The following SEMA3A variants were observed in gnomAD, a reference collection of about 807,000 sequenced individuals.
The protein encoded by SEMA3A is semaphorin-3A.
SEMA3A carries 29 observed loss-of-function variants against 97.9 expected under a neutral mutation model. The observed-to-expected ratio is 0.30, with a 90% CI of 0.22 to 0.40. The LOEUF is 0.40. Ranked by LOEUF, SEMA3A falls within the 10% of genes least tolerant of loss-of-function variation. The pLI is 1.00. For missense variants in SEMA3A, 763 were observed against 951.3 expected (o/e 0.80, Z 2.60); for synonymous variants, 321 against 323.7 (o/e 0.99, Z 0.09).
chr7:84,341,581 C>T (rs931324387), intron 2 of SEMA3A, among the ~76,000 whole-genome samples: 5 of 151,978 alleles, frequency 3.3e-5, no homozygotes, highest in Non-Finnish European at 4.4e-5. Flanking sequence ...TCAGCAGGTC[C>T]TGTGGATAAT....
intron 3 of SEMA3A, among the ~76,000 whole-genome samples, chr7:84,256,536 A>G (rs1417605456): frequency 6.6e-6 from 1 of 152,068 alleles, no homozygotes; most frequent in African/African-American, 2.4e-5. Context: ...CTAGTAAACC[A>G]CTGTAATAAA....
At chr7:84,375,746 G>A (rs972772803) in intron 1 of SEMA3A, among the ~76,000 whole-genome samples, 1 of 152,084 alleles carries the variant, frequency 6.6e-6, no homozygotes, top group Admixed American at 6.6e-5. Context: ...AAAGTTAACT[G>A]TAGTCACTAT....
At chr7:84,135,942 C>A (rs1442606831) in intron 1 of SEMA3A, among the ~76,000 whole-genome samples, 1 of 152,120 alleles carries the variant, frequency 6.6e-6, no homozygotes, top group Admixed American at 6.5e-5. Flanking sequence ...TATACCTATA[C>A]TTTAGTGACA....
At chr7:84,145,988 G>A (rs910909702) in intron 1 of SEMA3A, among the ~76,000 whole-genome samples, 10 of 151,974 alleles carry the variant, frequency 6.6e-5, no homozygotes, top group East Asian at 1.9e-4. Context: ...TTCTAAACCC[G>A]GCTTGCTGCC....
At chr7:84,280,176 T>C (rs142974859) in intron 3 of SEMA3A, among the ~76,000 whole-genome samples, 28 of 152,234 alleles carry the variant, frequency 1.8e-4, no homozygotes, top group African/African-American at 6.7e-4. Flanking sequence ...GGATTACAGA[T>C]GTGAGACACT....
chr7:84,451,315 C>A (rs974635965), intron 1 of SEMA3A, among the ~76,000 whole-genome samples: 1 of 152,024 alleles, frequency 6.6e-6, no homozygotes, highest in South Asian at 2.1e-4. Flanking sequence ...TTTTCCTTCC[C>A]CCTTGGGTCA....
At chr7:84,485,231 G>A (rs1214010888) in intron 1 of SEMA3A, among the ~76,000 whole-genome samples, 2 of 152,012 alleles carry the variant, frequency 1.3e-5, no homozygotes, top group Admixed American at 6.6e-5. Context: ...AAATTTTCAT[G>A]TACAAAGTAG....
intron 2 of SEMA3A, among the ~76,000 whole-genome samples, chr7:84,346,538 T>G (rs1009569545): frequency 6.6e-6 from 1 of 152,122 alleles, no homozygotes; most frequent in African/African-American, 2.4e-5. Flanking sequence ...CTAATATCAA[T>G]ACTGTTGTGT....
chr7:84,322,932 G>A (rs1801685382), intron 2 of SEMA3A, among the ~76,000 whole-genome samples: 1 of 152,042 alleles, frequency 6.6e-6, no homozygotes, highest in Non-Finnish European at 1.5e-5. Context: ...TGTGTATTCA[G>A]TAGAGCCACA....
At chr7:84,381,648 C>T (rs1248280584) in intron 1 of SEMA3A, among the ~76,000 whole-genome samples, 1 of 152,176 alleles carries the variant, frequency 6.6e-6, no homozygotes, top group Non-Finnish European at 1.5e-5. Context: ...ATTTGGTCTA[C>T]ATTTGGGCTC....
At chr7:84,157,496 GAGC>G (rs1174464542) in intron 1 of SEMA3A, among the ~76,000 whole-genome samples, 1 of 152,190 alleles carries the variant, frequency 6.6e-6, no homozygotes, top group Non-Finnish European at 1.5e-5. Flanking sequence ...GGACGCTGGA[GAGC>G]AGATCTGCTG....
chr7:84,151,613 A>T (rs1427427895), intron 1 of SEMA3A, among the ~76,000 whole-genome samples: 2 of 152,226 alleles, frequency 1.3e-5, no homozygotes, highest in East Asian at 3.9e-4. Context: ...TCTACGTCTG[A>T]TTGGTGTACC....
At chr7:84,425,788 T>C (rs1338962851) in intron 1 of SEMA3A, among the ~76,000 whole-genome samples, 4 of 148,996 alleles carry the variant, frequency 2.7e-5, no homozygotes, top group Non-Finnish European at 5.9e-5. Flanking sequence ...CTGGCCAATA[T>C]GGTGAAACCC....
intron 3 of SEMA3A, among the ~76,000 whole-genome samples, chr7:84,227,541 A>G (rs1799017537): frequency 6.6e-6 from 1 of 152,132 alleles, no homozygotes; most frequent in Non-Finnish European, 1.5e-5. Context: ...GGTAAATCAA[A>G]GCCACTTTCT....
intron 4 of SEMA3A, among the ~76,000 whole-genome samples, chr7:84,093,108 T>G (rs1486341594): frequency 6.6e-6 from 1 of 152,160 alleles, no homozygotes; most frequent in Non-Finnish European, 1.5e-5. Context: ...TTGGTGTTAT[T>G]TAAGAATTCA....
chr7:84,313,352 GTGTGTATATATATATATA>G (rs371092800), intron 2 of SEMA3A, among the ~76,000 whole-genome samples: 5,963 of 83,306 alleles, frequency 0.072, 497 homozygotes, highest in Non-Finnish European at 0.088. Context: ...GTATATGTGT[GTGTGTATATATATATATA>G]TATATATATA....
intron 4 of SEMA3A, among the ~76,000 whole-genome samples, chr7:84,077,967 TAA>T (rs760392881): frequency 1.3e-5 from 2 of 152,008 alleles, no homozygotes; most frequent in Non-Finnish European, 2.9e-5. Context: ...AGATAGGTGT[TAA>T]AAATAGATGT....
At chr7:84,397,993 G>T (rs1803783351) in intron 1 of SEMA3A, among the ~76,000 whole-genome samples, 1 of 152,128 alleles carries the variant, frequency 6.6e-6, no homozygotes, top group Non-Finnish European at 1.5e-5. Context: ...TGTATGCCAT[G>T]CATTGTGCTA....
At chr7:84,285,983 A>AT in intron 3 of SEMA3A, among the ~76,000 whole-genome samples, 1 of 151,704 alleles carries the variant, frequency 6.6e-6, no homozygotes, top group African/African-American at 2.4e-5. Context: ...AAAAAAAAAA[A>AT]AAAAAGAAGA....
Sources: allele counts gnomAD v4.1 joint callset (sites outside exome capture counted in the v4.1 genomes callset), GRCh38; gene constraint gnomAD v4.1.1; transcripts MANE v1.5; gene names NCBI Gene and HGNC (gene_info 2026-07-23, HGNC 2026-07-21).